The following ADRA2A variants were observed in gnomAD, a reference collection of about 807,000 sequenced individuals.
ADRA2A encodes the protein alpha-2A adrenergic receptor.
In ADRA2A, 6 loss-of-function variants were observed where a neutral mutation model predicts 5.9. The ratio of observed to expected loss-of-function variants is 1.01; its 90% CI spans 0.55 to 2.00. The LOEUF (loss-of-function observed/expected upper bound fraction) is 2.00, where lower values mean the gene tolerates loss of function less well. ADRA2A is among the 30% of genes most tolerant of loss of function. The pLI is 0.00. For missense variants in ADRA2A, 647 were observed against 690.0 expected, an observed-to-expected ratio of 0.94 and a Z score of 0.70; for synonymous variants, 345 against 325.9, an observed-to-expected ratio of 1.06 and a Z score of -0.63.
rs919102485 is a variant in ADRA2A, at chr10:111,077,512, A to T, written c.-485A>T. 1.3e-4 allele frequency: 20 copies of T among 152,302 alleles called. No homozygotes were observed. The highest frequency in any genetic ancestry group is 4.8e-4 in the African/African-American group (20 of 41,442). 9.4% of individuals were successfully genotyped at this position (152,302 alleles called of 1,614,324 possible). ...GACATAGGACCCCCGAGCTCGCATC[A>T]GCACCCTTCGGCTGCCTCCCGGGGT... is the stretch of plus-strand genomic sequence containing the variant. On this transcript the variant is annotated 5_prime_UTR_variant, in exon 1 of 1. Transcript: ENST00000280155.
Position 111,078,119 on chromosome 10 carries a change from C to T in ADRA2A, c.123C>T (p.Thr41=), listed in dbSNP as rs939309531. The T allele has an allele frequency of 6.3e-7, 1 of 1,591,026 alleles. No individual in the cohort carries two copies. Among genetic ancestry groups the T allele is most frequent in the Admixed American group, 1.7e-5 (1 of 57,818 alleles). The part of the protein sequence containing the change: ...TEAPGGGARA[T]PYSLQVTLTL... ...CGCCGGGGGGCGGCGCCCGGGCCAC[C>T]CCTTACTCCCTGCAGGTGACGCTGA... is the stretch of plus-strand genomic sequence containing the variant. The change falls in exon 1 of 1, where the codon ACC becomes ACT. Residue 41 remains threonine, a synonymous_variant. Coordinates refer to ENST00000280155, the MANE Select transcript of ADRA2A (RefSeq NM_000681.4).
Position 111,078,297 on chromosome 10 carries a change from G to C in ADRA2A, c.301G>C (p.Val101Leu). The change falls in exon 1 of 1, where the codon GTC (valine) becomes CTC (leucine). Residue 101 changes from valine (V) to leucine (L), a missense_variant. By Grantham distance (32) the Val-to-Leu change is conservative. Transcript: ENST00000280155. ...GGCCGACATCCTGGTGGCCACGCTC[G>C]TCATCCCTTTCTCGCTGGCCAACGA... ...ASADILVATLVIPFSLANEVM... is the reference protein window; with the variant it reads ...ASADILVATLLIPFSLANEVM... 1 of 1,613,926 alleles carries C rather than the reference G, an allele frequency of 6.2e-7. No individual in the cohort carries two copies. The highest frequency in any genetic ancestry group is 8.5e-7 in the Non-Finnish European group (1 of 1,180,016).
At position 111,078,016 on chromosome 10, in the gene ADRA2A, C is replaced by T. The variant is rs929408642; in HGVS notation, c.20C>T (p.Pro7Leu). 6.9e-7 allele frequency: 1 copy of T among 1,440,432 alleles called. No individual in the cohort carries two copies. The highest frequency in any genetic ancestry group is 9.1e-7 in the Non-Finnish European group (1 of 1,103,942). The allele number at this position is 1,440,432 out of a possible 1,614,324, so 89.2% of individuals were successfully genotyped here. A position where few individuals can be genotyped will look rare whatever the true frequency, so the allele number is the denominator to read the frequency against. Residue 7 changes from proline to leucine, a missense_variant, in exon 1 of 1, where the codon CCG (proline) becomes CTG (leucine). Pro to Leu is a moderately conservative substitution (Grantham distance 98, BLOSUM62 -3). Around this residue, in one of 3 missense-constraint regions of ADRA2A, gnomAD observed 577 missense variants for 605.4 expected, o/e 0.95. Coordinates refer to ENST00000280155, the MANE Select transcript of ADRA2A (RefSeq NM_000681.4). MFRQEQ[P>L]LAEGSFAPMG... ...GCGTTCATGTTCCGCCAGGAGCAGC[C>T]GTTGGCCGAGGGCAGCTTTGCGCCC...
Position 111,078,964 on chromosome 10 carries a change from C to G in ADRA2A, c.968C>G (p.Pro323Arg). Residue 323 changes from proline to arginine, a missense_variant, in exon 1 of 1, where the codon CCC (proline) becomes CGC (arginine). Pro to Arg is a moderately radical substitution (Grantham distance 103). Coordinates refer to ENST00000280155, the MANE Select transcript of ADRA2A (RefSeq NM_000681.4). ...GACCACGCCGAGCGGCCTCCAGGGC[C>G]CCGCAGACCCGAGCGCGGTCCCCGG... ...SSDHAERPPGPRRPERGPRGK... is the reference protein window; with the variant it reads ...SSDHAERPPGRRRPERGPRGK... 1 of 1,237,470 alleles carries G rather than the reference C, an allele frequency of 8.1e-7. No individual in the cohort carries two copies. 76.7% of individuals were successfully genotyped at this position (1,237,470 alleles called of 1,614,324 possible).
Position 111,078,805 on chromosome 10 carries a change from C to G in ADRA2A, c.809C>G (p.Pro270Arg). Residue 270 changes from proline (P) to arginine (R), a missense_variant, in exon 1 of 1, where the codon CCC becomes CGC. Coordinates refer to ENST00000280155, the MANE Select transcript of ADRA2A (RefSeq NM_000681.4). ...GTERRPNGLGPERSAGPGGAE... is the reference protein window; with the variant it reads ...GTERRPNGLGRERSAGPGGAE... ...GAGCGCAGGCCCAACGGTCTGGGCC[C>G]CGAGCGCAGCGCGGGCCCGGGGGGC... 2.4e-6 allele frequency: 3 copies of G among 1,257,702 alleles called. No homozygotes were observed. Among genetic ancestry groups the G allele is most frequent in the Non-Finnish European group, 2.0e-6 (2 of 996,770 alleles). 77.9% of individuals were successfully genotyped at this position (1,257,702 alleles called of 1,614,324 possible).
rs1418647320 is a variant in ADRA2A at position 111,079,226 on chromosome 10, G to A, written c.1230G>A (p.Thr410=). 1 of 1,614,058 alleles carries A rather than the reference G, an allele frequency of 6.2e-7. No individual in the cohort carries two copies. Reference sequence around the variant, plus strand: ...GGTTCCCCTTCTTCTTCACCTACACGCTCACGGCCGTCGGGTGCTCCGTGC... The same window carrying A: ...GGTTCCCCTTCTTCTTCACCTACACACTCACGGCCGTCGGGTGCTCCGTGC... ...VCWFPFFFTY[T]LTAVGCSVPR... Residue 410 remains threonine, a synonymous_variant, in exon 1 of 1, where the codon ACG becomes ACA. Coordinates refer to ENST00000280155, the MANE Select transcript of ADRA2A (RefSeq NM_000681.4).
At position 111,077,905 on chromosome 10, in the gene ADRA2A, G is replaced by A. The variant is rs1471878851; in HGVS notation, c.-92G>A. 4.5e-6 allele frequency: 6 copies of A among 1,320,530 alleles called. No individual in the cohort carries two copies. The highest frequency in any genetic ancestry group is 5.8e-6 in the Non-Finnish European group (6 of 1,043,394). 81.8% of individuals were successfully genotyped at this position (1,320,530 alleles called of 1,614,324 possible). A position where few individuals can be genotyped will look rare whatever the true frequency, so the allele number is the denominator to read the frequency against. On this transcript the variant is annotated 5_prime_UTR_variant, in exon 1 of 1. Coordinates refer to ENST00000280155, the MANE Select transcript of ADRA2A (RefSeq NM_000681.4). ...CCCCTCCCTATGTGAGCCGCAGCCA[G>A]GCGAGCGGGGCGCCGGAGGAAGAGG...
Position 111,077,279 on chromosome 10 carries a change from C to A in ADRA2A, c.-718C>A, listed in dbSNP as rs1047141452. The A allele has an allele frequency of 6.5e-5, 10 of 152,840 alleles. No homozygotes were observed. The highest frequency in any genetic ancestry group is 1.3e-4 in the Non-Finnish European group (9 of 68,512). 9.5% of individuals were successfully genotyped at this position (152,840 alleles called of 1,614,324 possible). A position where few individuals can be genotyped will look rare whatever the true frequency, so the allele number is the denominator to read the frequency against. On this transcript the variant is annotated 5_prime_UTR_variant, in exon 1 of 1. Coordinates refer to ENST00000280155, the MANE Select transcript of ADRA2A (RefSeq NM_000681.4). ...TGAGGACGGGGGTGCCTTCATGCGG[C>A]CCCCACACTCCTCACCCCGCCGCCG...
In ADRA2A at chr10:111,080,816, T is replaced by C. The variant is rs1192384412; in HGVS notation, c.*1422T>C. On this transcript the variant is annotated 3_prime_UTR_variant, in exon 1 of 1. Transcript: ENST00000280155. ...AATAAATATGAATGGAGTGGTCCTC[T>C]TGTCTGTTATCTGAGTTTTCAAAAG... 6.0e-6 allele frequency: 1 copy of C among 166,952 alleles called. No homozygotes were observed. Among genetic ancestry groups the C allele is most frequent in the Non-Finnish European group, 1.5e-5 (1 of 68,112 alleles). The allele number at this position is 166,952 out of a possible 1,614,324, so 10.3% of individuals were successfully genotyped here.
In ADRA2A at chr10:111,077,912, G is replaced by C. The variant is rs1843549231; in HGVS notation, c.-85G>C. The C allele has an allele frequency of 6.1e-6, 8 of 1,318,816 alleles. No homozygotes were observed. The South Asian group carries it at 9.4e-5, about 16-fold the overall frequency. 81.7% of individuals were successfully genotyped at this position (1,318,816 alleles called of 1,614,324 possible). Reference sequence around the variant, plus strand: ...CTATGTGAGCCGCAGCCAGGCGAGCGGGGCGCCGGAGGAAGAGGAGGACCC... The same window carrying C: ...CTATGTGAGCCGCAGCCAGGCGAGCCGGGCGCCGGAGGAAGAGGAGGACCC... On this transcript the variant is annotated 5_prime_UTR_variant, in exon 1 of 1. Coordinates refer to ENST00000280155, the MANE Select transcript of ADRA2A (RefSeq NM_000681.4).
Position 111,078,770 on chromosome 10 carries a change from G to T in ADRA2A, c.774G>T (p.Pro258=). 1.4e-6 allele frequency: 2 copies of T among 1,418,872 alleles called. No individual in the cohort carries two copies. Among genetic ancestry groups the T allele is most frequent in the Non-Finnish European group, 1.8e-6 (2 of 1,090,734 alleles). 87.9% of individuals were successfully genotyped at this position (1,418,872 alleles called of 1,614,324 possible). A position where few individuals can be genotyped will look rare whatever the true frequency, so the allele number is the denominator to read the frequency against. The change falls in exon 1 of 1, where the codon CCG becomes CCT. Residue 258 remains proline (P), a synonymous_variant. Coordinates refer to ENST00000280155, the MANE Select transcript of ADRA2A (RefSeq NM_000681.4). The part of the protein sequence containing the change: ...RRGPDAVAAP[P]GGTERRPNGL... ...GTCCGGACGCCGTCGCCGCGCCGCC[G>T]GGGGGCACCGAGCGCAGGCCCAACG... is the stretch of plus-strand genomic sequence containing the variant.
In ADRA2A at chr10:111,077,771, CAAG is replaced by C; in HGVS notation, c.-222_-220del. Reference sequence around the variant, plus strand: ...ACTTGGCTGTATTAGGAGCTCGGAGCAAGAAGGCGCCCACCGAGAGCGTCTGAA... The same window carrying C: ...ACTTGGCTGTATTAGGAGCTCGGAGCAAGGCGCCCACCGAGAGCGTCTGAA... On this transcript the variant is annotated 5_prime_UTR_variant, in exon 1 of 1. Coordinates refer to ENST00000280155, the MANE Select transcript of ADRA2A (RefSeq NM_000681.4). The C allele has an allele frequency of 2.6e-6, 1 of 386,920 alleles. No homozygotes were observed. The highest frequency in any genetic ancestry group is 4.0e-6 in the Non-Finnish European group (1 of 252,514). 24.0% of individuals were successfully genotyped at this position (386,920 alleles called of 1,614,324 possible). A position where few individuals can be genotyped will look rare whatever the true frequency, so the allele number is the denominator to read the frequency against.
rs568399181 is a variant in ADRA2A, at chr10:111,077,945, C to G, written c.-52C>G. 195 of 1,341,012 alleles carry G rather than the reference C, an allele frequency of 1.5e-4. 1 individual carries two copies. The South Asian group carries it at 3.8e-3, about 26-fold the overall frequency. The allele number at this position is 1,341,012 out of a possible 1,614,324, so 83.1% of individuals were successfully genotyped here. A position where few individuals can be genotyped will look rare whatever the true frequency, so the allele number is the denominator to read the frequency against. ...GGAGGAAGAGGAGGACCCACGGGCGCCGGGCCGGAAGGCAGCTGGCAGCAG... is the reference window on the plus strand; with the variant it reads ...GGAGGAAGAGGAGGACCCACGGGCGGCGGGCCGGAAGGCAGCTGGCAGCAG... On this transcript the variant is annotated 5_prime_UTR_variant, in exon 1 of 1. Transcript: ENST00000280155.
rs570171415 is a variant in ADRA2A, at chr10:111,080,677, A to G, written c.*1283A>G. 6.0e-6 allele frequency: 1 copy of G among 167,208 alleles called. No homozygotes were observed. The highest frequency in any genetic ancestry group is 1.5e-5 in the Non-Finnish European group (1 of 68,126). 10.4% of individuals were successfully genotyped at this position (167,208 alleles called of 1,614,324 possible). ...ATCTGCATTTCTACATGTTTTAGACAGAGACAATTTAAGGCCTGCACTCTT... is the reference window on the plus strand; with the variant it reads ...ATCTGCATTTCTACATGTTTTAGACGGAGACAATTTAAGGCCTGCACTCTT... On this transcript the variant is annotated 3_prime_UTR_variant, in exon 1 of 1. Transcript: ENST00000280155.
chr10:111,079,121 G>A lies in ADRA2A; in HGVS notation c.1125G>A (p.Ser375=), dbSNP rs1383070444. ...AGCGCGTCGGGGCTGCCAAGGCGTC[G>A]CGCTGGCGCGGGCGGCAGAACCGCG... ...GEERVGAAKA[S]RWRGRQNREK... is the part of the protein sequence containing the mutation. The change falls in exon 1 of 1, where the codon TCG becomes TCA. Residue 375 remains serine, a synonymous_variant. Transcript: ENST00000280155. 6.3e-7 allele frequency: 1 copy of A among 1,591,534 alleles called. No individual in the cohort carries two copies.
At position 111,078,862 on chromosome 10, in the gene ADRA2A, A is replaced by G. The variant is rs1164458352; in HGVS notation, c.866A>G (p.Asn289Ser). 1.1e-5 allele frequency: 13 copies of G among 1,205,402 alleles called. No individual in the cohort carries two copies. The highest frequency in any genetic ancestry group is 1.2e-5 in the Non-Finnish European group (12 of 972,958). The allele number at this position is 1,205,402 out of a possible 1,614,324, so 74.7% of individuals were successfully genotyped here. ...AEAEPLPTQLNGAPGEPAPAG... is the reference protein window; with the variant it reads ...AEAEPLPTQLSGAPGEPAPAG... ...GCCGAACCGCTGCCCACCCAGCTCA[A>G]CGGCGCCCCTGGCGAGCCCGCGCCG... The change falls in exon 1 of 1, where the codon AAC becomes AGC. Residue 289 changes from asparagine to serine, a missense_variant. Transcript: ENST00000280155.
In ADRA2A at chr10:111,080,640, C is replaced by A. The variant is rs566340009; in HGVS notation, c.*1246C>A. 3.0e-5 allele frequency: 5 copies of A among 167,152 alleles called. No individual in the cohort carries two copies. In the South Asian group the frequency reaches 1.0e-3, roughly 35 times the overall value. The allele number at this position is 167,152 out of a possible 1,614,324, so 10.4% of individuals were successfully genotyped here. ...CAAAGTCAGGGGAGGAGGGCAGAGA[C>A]TTTGTGTTTACATCTGCATTTCTAC... On this transcript the variant is annotated 3_prime_UTR_variant, in exon 1 of 1. Transcript: ENST00000280155.
In ADRA2A at chr10:111,078,161, C is replaced by T. The variant is rs186847183; in HGVS notation, c.165C>T (p.Ala55=). ...LQVTLTLVCL[A]GLLMLLTVFG... ...TGACGCTGACGCTGGTGTGCCTGGC[C>T]GGCCTGCTCATGCTGCTCACCGTGT... The change falls in exon 1 of 1, where the codon GCC becomes GCT. Residue 55 remains alanine (A), a synonymous_variant. Coordinates refer to ENST00000280155, the MANE Select transcript of ADRA2A (RefSeq NM_000681.4). The T allele has an allele frequency of 1.9e-6, 3 of 1,609,778 alleles. No homozygotes were observed. The highest frequency in any genetic ancestry group is 4.5e-5 in the East Asian group (2 of 44,770).
At position 111,078,239 on chromosome 10, in the gene ADRA2A, G is replaced by T. The variant is rs767759899; in HGVS notation, c.243G>T (p.Ala81=). ...TGTTCACGAGCCGCGCGCTCAAGGC[G>T]CCCCAAAACCTCTTCCTGGTGTCTC... The part of the protein sequence containing the change: ...IAVFTSRALK[A]PQNLFLVSLA... Residue 81 remains alanine (A), a synonymous_variant, in exon 1 of 1, where the codon GCG becomes GCT. Transcript: ENST00000280155. 10 of 1,612,974 alleles carry T rather than the reference G, an allele frequency of 6.2e-6. No individual in the cohort carries two copies. The highest frequency in any genetic ancestry group is 4.4e-5 in the South Asian group (4 of 91,014).
Sources: gnomAD v4.1 joint callset for allele counts on GRCh38, gnomAD v4.1.1 for gene constraint, gnomAD v4.1.1 regional missense constraint, MANE v1.5 for transcripts, NCBI Gene and HGNC (gene_info 2026-07-23, HGNC 2026-07-21) for gene names.